The following LMX1A variants were observed in gnomAD, a reference collection of about 807,000 sequenced individuals.
LMX1A encodes the protein LIM homeobox transcription factor 1 alpha.
LMX1A carries 15 observed loss-of-function variants against 49.1 expected under a neutral mutation model. That is an observed-to-expected ratio of 0.31 (90% CI 0.20 to 0.47). The LOEUF (loss-of-function observed/expected upper bound fraction) is 0.47, where lower values mean the gene tolerates loss of function less well. LMX1A is among the 20% of genes least tolerant of loss of function. LMX1A has a pLI of 1.00. For missense variants in LMX1A, 372 were observed against 475.8 expected, an observed-to-expected ratio of 0.78 and a Z score of 2.03; for synonymous variants, 167 against 185.7, an observed-to-expected ratio of 0.90 and a Z score of 0.82.
intron 4 of LMX1A, among the ~76,000 whole-genome samples, chr1:165,229,838 A>T (rs528250912): frequency 2.0e-5 from 3 of 152,274 alleles, no homozygotes; most frequent in East Asian, 3.9e-4. Flanking sequence ...CAATATAGCA[A>T]CTTGCCTCAC....
intron 3 of LMX1A, among the ~76,000 whole-genome samples, chr1:165,318,055 G>A (rs1049134537): frequency 2.6e-5 from 4 of 152,206 alleles, no homozygotes; most frequent in Non-Finnish European, 5.9e-5. Context: ...CCTGGTTGGA[G>A]AGAGGCTGAG....
chr1:165,337,429 A>T (rs951454635), intron 3 of LMX1A, among the ~76,000 whole-genome samples: 1 of 152,218 alleles, frequency 6.6e-6, no homozygotes, highest in African/African-American at 2.4e-5. Flanking sequence ...AAACAAAGAA[A>T]CAAATAGTAG....
intron 4 of LMX1A, among the ~76,000 whole-genome samples, chr1:165,220,433 G>A (rs898305779): frequency 6.6e-6 from 1 of 152,196 alleles, no homozygotes; most frequent in African/African-American, 2.4e-5. Context: ...AAGAAGGTGT[G>A]TGCAGAGATA....
intron 3 of LMX1A, 96 bp downstream of exon 3, chr1:165,352,980 G>T: frequency 2.4e-6 from 3 of 1,269,326 alleles, no homozygotes; most frequent in East Asian, 4.6e-5. Context: ...GTGTCTCTTG[G>T]GCCTTCCAGA....
intron 8 of LMX1A, 102 bp downstream of exon 8, chr1:165,205,762 G>T: frequency 1.8e-6 from 2 of 1,127,852 alleles, no homozygotes; most frequent in Non-Finnish European, 2.6e-6. Flanking sequence ...ATTCTGCTTT[G>T]GAACTTCGGT....
intron 4 of LMX1A, among the ~76,000 whole-genome samples, chr1:165,246,131 C>T (rs1256025865): frequency 5.3e-5 from 8 of 152,138 alleles, no homozygotes; most frequent in African/African-American, 7.2e-5. Context: ...GGACTTCATT[C>T]CATGAAGATT....
chr1:165,316,050 G>A (rs753894527), intron 3 of LMX1A, among the ~76,000 whole-genome samples: 6 of 152,220 alleles, frequency 3.9e-5, no homozygotes, highest in Non-Finnish European at 5.9e-5. Context: ...TCAAGGTCAG[G>A]TGATGGGTGC....
At chr1:165,214,098 G>T (rs1651544632) in intron 4 of LMX1A, among the ~76,000 whole-genome samples, 1 of 152,166 alleles carries the variant, frequency 6.6e-6, no homozygotes, top group Non-Finnish European at 1.5e-5. Context: ...GCAATGATAT[G>T]GTTTAGTTCT....
At chr1:165,253,268 T>C (rs1653121112) in intron 3 of LMX1A, among the ~76,000 whole-genome samples, 1 of 152,146 alleles carries the variant, frequency 6.6e-6, no homozygotes, top group Admixed American at 6.5e-5. Flanking sequence ...CAAAGCAATG[T>C]CCCATGAATA....
At position 165,284,660 on chromosome 1, in the gene LMX1A, C is replaced by T. The variant is rs187164333; in HGVS notation, c.264-35020G>A. Among the ~76,000 whole-genome samples the T allele has an allele frequency of 1.2e-4, 18 of 152,344 alleles. No individual in the cohort carries two copies. The East Asian group carries it at 3.5e-3, about 29-fold the overall frequency. On this transcript the variant is annotated intron_variant, in intron 3 of 8. Transcript: ENST00000342310. ...CCCACAGGGCCTTTTAAACTTTCCT[C>T]CTCTAGTTAAAGCATTTGTTTTCAG... is the stretch of plus-strand genomic sequence containing the variant.
chr1:165,213,397 A>G lies in LMX1A; in HGVS notation c.669+244T>C, dbSNP rs574051638. 88 of 425,762 alleles carry G rather than the reference A, an allele frequency of 2.1e-4. 1 individual carries two copies. The South Asian group carries it at 5.0e-3, about 24-fold the overall frequency. 26.4% of individuals were successfully genotyped at this position (425,762 alleles called of 1,614,324 possible). ...TTCCCATTGTGCTCTATGAAATGAA[A>G]GGTGTGACAGGGGCCATTTGGAGTT... On this transcript the variant is annotated intron_variant, in intron 5 of 8. Coordinates refer to ENST00000342310, the MANE Select transcript of LMX1A (RefSeq NM_177398.4).
intron 7 of LMX1A, among the ~76,000 whole-genome samples, chr1:165,207,043 C>T (rs1485388179): frequency 6.6e-6 from 1 of 152,124 alleles, no homozygotes; most frequent in East Asian, 1.9e-4. Flanking sequence ...AAAGTGTGGT[C>T]CACAGATTTC....
At chr1:165,332,804 G>A (rs1172526641) in intron 3 of LMX1A, among the ~76,000 whole-genome samples, 2 of 152,160 alleles carry the variant, frequency 1.3e-5, no homozygotes, top group Admixed American at 6.5e-5. Context: ...TATCTTCTCA[G>A]CAACAGAACT....
intron 4 of LMX1A, among the ~76,000 whole-genome samples, chr1:165,214,618 T>C (rs1030460666): frequency 6.6e-6 from 1 of 152,220 alleles, no homozygotes; most frequent in East Asian, 1.9e-4. Flanking sequence ...TTCTTAGATG[T>C]CATTTTTCAA....
chr1:165,319,469 C>T (rs975373219), intron 3 of LMX1A, among the ~76,000 whole-genome samples: 1 of 151,978 alleles, frequency 6.6e-6, no homozygotes, highest in Non-Finnish European at 1.5e-5. Flanking sequence ...ATAATCCTCC[C>T]TCCAGTAATC....
intron 3 of LMX1A, among the ~76,000 whole-genome samples, chr1:165,335,639 T>G (rs2101756723): frequency 6.6e-6 from 1 of 152,310 alleles, no homozygotes; most frequent in South Asian, 2.1e-4. Context: ...AACATAAGCC[T>G]CCTTAACAAA....
chr1:165,215,381 AT>A (rs776685516), intron 4 of LMX1A, among the ~76,000 whole-genome samples: 2 of 152,080 alleles, frequency 1.3e-5, no homozygotes, highest in Non-Finnish European at 2.9e-5. Context: ...CAAGAACCTC[AT>A]TTTTCTCTGG....
intron 3 of LMX1A, among the ~76,000 whole-genome samples, chr1:165,331,659 G>A (rs1655747081): frequency 6.6e-6 from 1 of 152,214 alleles, no homozygotes; most frequent in Non-Finnish European, 1.5e-5. Context: ...GCTCACACCT[G>A]TAATCCCAGC....
At chr1:165,303,630 GT>G (rs2101727101) in intron 3 of LMX1A, among the ~76,000 whole-genome samples, 1 of 152,274 alleles carries the variant, frequency 6.6e-6, no homozygotes, top group African/African-American at 2.4e-5. Flanking sequence ...CCTGCAGTCA[GT>G]TATCCTTCAC....
Sources: allele counts gnomAD v4.1 joint callset (sites outside exome capture counted in the v4.1 genomes callset), GRCh38; gene constraint gnomAD v4.1.1; transcripts MANE v1.5; gene names NCBI Gene and HGNC (gene_info 2026-07-23, HGNC 2026-07-21).